ZNF324B: variants seen among roughly 807,000 people sequenced by gnomAD.
ZNF324B encodes zinc finger protein 324B.
Under a neutral mutation model 10.6 loss-of-function variants are expected in ZNF324B, and 7 were observed. That is an observed-to-expected ratio of 0.66 (90% CI 0.38 to 1.24). The LOEUF (loss-of-function observed/expected upper bound fraction) is 1.24, where lower values mean the gene tolerates loss of function less well. Among genes scored for constraint, ZNF324B ranks in the 50% most tolerant of loss-of-function variants. ZNF324B has a pLI of 0.02. For synonymous variants in ZNF324B, 316 were observed against 321.0 expected, an observed-to-expected ratio of 0.98 and a Z score of 0.17; for missense variants, 640 against 764.7, an observed-to-expected ratio of 0.84 and a Z score of 1.92.
chr19:58,434,081 C>G, the ZNF324B span: 1 of 1,614,008 alleles, frequency 6.2e-7, no homozygotes. Flanking sequence ...GGCCGTTCTC[C>G]GGTGTGAACT....
At chr19:58,450,464 CA>C (rs35336344), upstream of ZNF324B, among the ~76,000 whole-genome samples, 21,131 of 104,702 alleles carry the variant, frequency 0.2, 1,337 homozygotes, top group Non-Finnish European at 0.24. Context: ...GACCCTGTCT[CA>C]AAAAAAAAAA....
chr19:58,435,359 G>T, the ZNF324B span: 1 of 870,602 alleles, frequency 1.1e-6, no homozygotes, highest in Non-Finnish European at 1.7e-6. Context: ...GGTGAAGAAG[G>T]GCCCATTACT....
chr19:58,437,860 C>T, the ZNF324B span: 164 of 920,096 alleles, frequency 1.8e-4, no homozygotes, highest in African/African-American at 2.7e-3. Flanking sequence ...CATCAGCTGC[C>T]CAGAACCATA....
chr19:58,441,983 C>A, the ZNF324B span: 1 of 152,304 alleles, frequency 6.6e-6, no homozygotes, highest in African/African-American at 2.4e-5. Flanking sequence ...TCTCCTCTTT[C>A]CCCTACACAT....
At chr19:58,439,862 C>G in the ZNF324B span, 2 of 1,529,930 alleles carry the variant, frequency 1.3e-6, no homozygotes, top group Non-Finnish European at 1.8e-6. Flanking sequence ...GGGCCGAACC[C>G]TCACACTTCC....
the ZNF324B span, among the ~76,000 whole-genome samples, chr19:58,420,812 A>AT: frequency 1.3e-5 from 2 of 151,324 alleles, no homozygotes; most frequent in African/African-American, 4.9e-5. Context: ...GGGTCAAGTG[A>AT]TTCTCATACC....
the ZNF324B span, among the ~76,000 whole-genome samples, chr19:58,446,533 C>A: frequency 1.3e-5 from 2 of 151,306 alleles, no homozygotes; most frequent in Non-Finnish European, 2.9e-5. Context: ...TGGACATGAC[C>A]CCATTCCAAG....
At chr19:58,437,089 G>A in the ZNF324B span, 1 of 1,614,012 alleles carries the variant, frequency 6.2e-7, no homozygotes, top group African/African-American at 1.3e-5. Context: ...ATCACACTGT[G>A]GTACAGGTGC....
rs959227918 is a variant in ZNF324B at position 58,453,680 on chromosome 19, C to G, written c.-6-16C>G. The G allele has an allele frequency of 1.9e-6, 3 of 1,614,078 alleles. No individual in the cohort carries two copies. Among genetic ancestry groups the G allele is most frequent in the Non-Finnish European group, 2.5e-6 (3 of 1,180,030 alleles). On this transcript the variant is annotated splice_polypyrimidine_tract_variant and intron_variant, in intron 1 of 3. Coordinates refer to ENST00000336614, the MANE Select transcript of ZNF324B (RefSeq NM_207395.3). ...TACCTTAGACCATGCCTACCTCCAC[C>G]TCCCTGCTGTTTTAGGACCTGATGA... is the stretch of plus-strand genomic sequence containing the variant.
the ZNF324B span, among the ~76,000 whole-genome samples, chr19:58,424,288 A>G: frequency 6.6e-6 from 1 of 152,204 alleles, no homozygotes; most frequent in African/African-American, 2.4e-5. Flanking sequence ...AACAACAACA[A>G]AGGAAAAGGA....
the ZNF324B span, chr19:58,441,581 T>G: frequency 6.6e-6 from 1 of 152,208 alleles, no homozygotes; most frequent in Non-Finnish European, 1.5e-5. Context: ...CATGGAAGAT[T>G]AGCGATGGAT....
At chr19:58,426,298 T>C in the ZNF324B span, among the ~76,000 whole-genome samples, 1 of 152,134 alleles carries the variant, frequency 6.6e-6, no homozygotes, top group Non-Finnish European at 1.5e-5. Flanking sequence ...CTGCCATCCG[T>C]GTATAATGGC....
In ZNF324B at chr19:58,456,138, A is replaced by C. The variant is rs150517756; in HGVS notation, c.1194A>C (p.Val398=). The C allele has an allele frequency of 3.1e-6, 5 of 1,612,888 alleles. No individual in the cohort carries two copies. The African/African-American group carries it at 4.0e-5, about 13-fold the overall frequency. ...ERTHTGEKPF[V]CALCGAAFSQ... is the part of the protein sequence containing the mutation. Reference sequence around the variant, plus strand: ...CGCACACAGGCGAGAAGCCCTTCGTATGCGCGCTCTGCGGTGCTGCCTTCA... The same window carrying C: ...CGCACACAGGCGAGAAGCCCTTCGTCTGCGCGCTCTGCGGTGCTGCCTTCA... The change falls in exon 4 of 4, where the codon GTA becomes GTC. Residue 398 remains valine (V), a synonymous_variant. Transcript: ENST00000336614. The surrounding 1 kb of genome is among the most constrained non-coding windows in gnomAD (Gnocchi z 4.7).
At chr19:58,419,127 C>T in the ZNF324B span, 1 of 152,236 alleles carries the variant, frequency 6.6e-6, no homozygotes, top group African/African-American at 2.4e-5. Flanking sequence ...GACTTGTAGC[C>T]TGGATGTCAG....
chr19:58,419,607 C>T, the ZNF324B span, among the ~76,000 whole-genome samples: 6 of 152,186 alleles, frequency 3.9e-5, no homozygotes, highest in African/African-American at 1.4e-4. Context: ...CTCATATCCT[C>T]TCTGGGCTGT....
the ZNF324B span, among the ~76,000 whole-genome samples, chr19:58,427,019 G>A: frequency 6.6e-6 from 1 of 152,344 alleles, no homozygotes; most frequent in East Asian, 1.9e-4. Flanking sequence ...CCCCTAACAG[G>A]TTGGCTGCTG....
chr19:58,448,262 T>C (rs1490785856), upstream of ZNF324B, among the ~76,000 whole-genome samples: 1 of 152,210 alleles, frequency 6.6e-6, no homozygotes, highest in Non-Finnish European at 1.5e-5. Context: ...TTGACCAAAA[T>C]GCTGATAATG....
the ZNF324B span, among the ~76,000 whole-genome samples, chr19:58,427,466 C>CTTCT: frequency 7.2e-5 from 7 of 96,978 alleles, no homozygotes; most frequent in South Asian, 2.3e-3. Context: ...TCCTTCCTTC[C>CTTCT]TTCCTTCCTT....
chr19:58,420,021 C>G, the ZNF324B span, among the ~76,000 whole-genome samples: 1 of 152,194 alleles, frequency 6.6e-6, no homozygotes, highest in East Asian at 1.9e-4. Flanking sequence ...GTGGTCGATG[C>G]ATGTAATCCT....
Sources: allele counts gnomAD v4.1 joint callset (sites outside exome capture counted in the v4.1 genomes callset), GRCh38; gene constraint gnomAD v4.1.1; non-coding constraint Gnocchi (gnomAD v3.1); transcripts MANE v1.5; gene names NCBI Gene and HGNC (gene_info 2026-07-23, HGNC 2026-07-21).